HDAC9: variants seen among roughly 807,000 people sequenced by gnomAD.
HDAC9 encodes MEF-2 interacting transcription repressor (MITR) protein.
Under a neutral mutation model 139.4 loss-of-function variants are expected in HDAC9, and 41 were observed. That is an observed-to-expected ratio of 0.29 (90% CI 0.23 to 0.38). The LOEUF is 0.38. Among genes scored for constraint, HDAC9 ranks in the 10% least tolerant of loss-of-function variants. The pLI, the probability that HDAC9 is intolerant of heterozygous loss-of-function variation, is 1.00. For synonymous variants in HDAC9, 517 were observed against 476.2 expected (o/e 1.09, Z -1.12); for missense variants, 1,147 against 1,297.0 (o/e 0.88, Z 1.78).
At chr7:18,184,219 A>G (rs182145792) in intron 2 of HDAC9, among the ~76,000 whole-genome samples, 3 of 152,198 alleles carry the variant, frequency 2.0e-5, no homozygotes, top group Non-Finnish European at 4.4e-5. Context: ...ACCAACATGG[A>G]GAAACCCCGT....
chr7:18,785,576 A>C (rs1791643896), intron 16 of HDAC9, among the ~76,000 whole-genome samples: 1 of 152,194 alleles, frequency 6.6e-6, no homozygotes, highest in Non-Finnish European at 1.5e-5. Context: ...ATTTAAAAAA[A>C]ATATTTTAGC....
Position 18,954,130 on chromosome 7 carries a change from T to C in HDAC9, c.2938-16T>C, listed in dbSNP as rs1318713523. 6.6e-6 allele frequency: 10 copies of C among 1,517,298 alleles called. No individual in the cohort carries two copies. Among genetic ancestry groups the C allele is most frequent in the South Asian group, 2.4e-5 (2 of 83,122 alleles). The allele number at this position is 1,517,298 out of a possible 1,614,324, so 94.0% of individuals were successfully genotyped here. On this transcript the variant is annotated splice_polypyrimidine_tract_variant and intron_variant, in intron 23 of 25. Transcript: ENST00000686413. ...TCATAATATTCTGCTCATACTATTA[T>C]CTACTATTCTTGCAGCTGGAGCCAC...
At chr7:18,268,586 A>G (rs1796147194) in intron 2 of HDAC9, among the ~76,000 whole-genome samples, 5 of 152,180 alleles carry the variant, frequency 3.3e-5, no homozygotes. Context: ...TTAAAGAGAA[A>G]AAGAAACTAT....
chr7:18,252,436 G>C (rs1314624819), intron 2 of HDAC9, among the ~76,000 whole-genome samples: 1 of 151,966 alleles, frequency 6.6e-6, no homozygotes. Context: ...AGCTTAATTA[G>C]ACATATATAA....
At chr7:18,381,198 CAAAAAAAAAAAAA>C (rs60825586) in intron 1 of HDAC9, among the ~76,000 whole-genome samples, 5 of 73,344 alleles carry the variant, frequency 6.8e-5, no homozygotes, top group Non-Finnish European at 1.2e-4. Context: ...GACTCTGTCT[CAAAAAAAAAAAAA>C]AAAAAAAAAG....
intron 12 of HDAC9, chr7:18,667,736 T>A: frequency 3.0e-6 from 3 of 984,854 alleles, no homozygotes; most frequent in Non-Finnish European, 3.6e-6. Flanking sequence ...CTCTTTCTGT[T>A]TTTAAAGGGC....
At chr7:18,381,238 A>C (rs1469414694) in intron 1 of HDAC9, among the ~76,000 whole-genome samples, 2 of 150,956 alleles carry the variant, frequency 1.3e-5, no homozygotes, top group Non-Finnish European at 3.0e-5. Flanking sequence ...AAAAAAAAGA[A>C]AAATAAAATA....
chr7:18,447,269 A>G (rs1252976454), intron 1 of HDAC9, among the ~76,000 whole-genome samples: 2 of 152,168 alleles, frequency 1.3e-5, no homozygotes, highest in African/African-American at 2.4e-5. Context: ...ATGTGAAGAA[A>G]TATTTCACAC....
chr7:18,793,280 T>G (rs1197283173), intron 16 of HDAC9, 65 bp from the exon 17 acceptor site: 2 of 1,153,208 alleles, frequency 1.7e-6, no homozygotes, highest in African/African-American at 3.1e-5. Flanking sequence ...CTTTTACCCC[T>G]TTCATCTCTT....
intron 17 of HDAC9, among the ~76,000 whole-genome samples, chr7:18,814,168 A>G (rs957262746): frequency 2.6e-5 from 4 of 152,200 alleles, no homozygotes; most frequent in Non-Finnish European, 5.9e-5. Flanking sequence ...AGCTTTTCTC[A>G]GTACCTGACA....
At chr7:18,895,063 C>T (rs1396095944) in intron 22 of HDAC9, among the ~76,000 whole-genome samples, 1 of 151,964 alleles carries the variant, frequency 6.6e-6, no homozygotes, top group Non-Finnish European at 1.5e-5. Flanking sequence ...GAAGGTATGG[C>T]ATAATTATCT....
At chr7:18,980,777 CCTCT>C (rs1563103410) in intron 25 of HDAC9, among the ~76,000 whole-genome samples, 145 of 136,694 alleles carry the variant, frequency 1.1e-3, no homozygotes, top group African/African-American at 3.6e-3. Flanking sequence ...TCTTCTTCTT[CCTCT>C]TCTTCTTCTT....
At chr7:18,912,345 A>T (rs559460834) in intron 22 of HDAC9, among the ~76,000 whole-genome samples, 1 of 152,254 alleles carries the variant, frequency 6.6e-6, no homozygotes, top group South Asian at 2.1e-4. Flanking sequence ...ATCAGAATAA[A>T]ATGAGATAAT....
chr7:18,817,624 C>G (rs1794669023), intron 17 of HDAC9, among the ~76,000 whole-genome samples: 1 of 152,108 alleles, frequency 6.6e-6, no homozygotes, highest in South Asian at 2.1e-4. Flanking sequence ...ATATGTTAAA[C>G]TAGCTAATGT....
chr7:18,250,587 G>T (rs921014860), intron 2 of HDAC9, among the ~76,000 whole-genome samples: 1 of 152,164 alleles, frequency 6.6e-6, no homozygotes, highest in African/African-American at 2.4e-5. Flanking sequence ...TTAGCTGAGA[G>T]CCTTACACAT....
At chr7:18,821,771 T>G (rs757549767) in intron 17 of HDAC9, among the ~76,000 whole-genome samples, 4 of 152,234 alleles carry the variant, frequency 2.6e-5, no homozygotes, top group Non-Finnish European at 5.9e-5. Flanking sequence ...CCACTTCAGA[T>G]GCTGGTTGCA....
intron 1 of HDAC9, among the ~76,000 whole-genome samples, chr7:18,120,270 G>A (rs538606885): frequency 6.6e-6 from 1 of 152,282 alleles, no homozygotes; most frequent in African/African-American, 2.4e-5. Context: ...CCACAACAAA[G>A]AATTATGTGG....
At chr7:18,348,306 T>C (rs1262938293) in intron 1 of HDAC9, among the ~76,000 whole-genome samples, 1 of 152,210 alleles carries the variant, frequency 6.6e-6, no homozygotes, top group Non-Finnish European at 1.5e-5. Context: ...TGCTTAGCTA[T>C]CAACACTTAT....
intron 1 of HDAC9, among the ~76,000 whole-genome samples, chr7:18,374,514 C>A (rs1008844328): frequency 7.2e-5 from 11 of 151,822 alleles, no homozygotes; most frequent in Admixed American, 1.3e-4. Flanking sequence ...ATACTTCAGG[C>A]AATTGTAAAA....
Sources: allele counts gnomAD v4.1 joint callset (sites outside exome capture counted in the v4.1 genomes callset), GRCh38; gene constraint gnomAD v4.1.1; transcripts MANE v1.5; gene names NCBI Gene and HGNC (gene_info 2026-07-23, HGNC 2026-07-21).